The following ZNF827 variants were observed in gnomAD, a reference collection of about 807,000 sequenced individuals.
ZNF827 encodes the protein zinc finger protein 827.
A neutral mutation model predicts 102.4 loss-of-function variants in ZNF827; 13 were observed. The observed-to-expected ratio is 0.13, with a 90% CI of 0.08 to 0.20. ZNF827 has a LOEUF of 0.20. Ranked by LOEUF, ZNF827 falls within the 10% of genes least tolerant of loss-of-function variation. The pLI is 1.00. For synonymous variants in ZNF827, 523 were observed against 536.2 expected (o/e 0.98, Z 0.34); for missense variants, 1,103 against 1,344.4 (o/e 0.82, Z 2.81).
intron 10 of ZNF827, among the ~76,000 whole-genome samples, chr4:145,774,908 T>C (rs573063697): frequency 3.3e-5 from 5 of 152,362 alleles, no homozygotes; most frequent in Admixed American, 2.6e-4. Context: ...ATATGTGTTA[T>C]AATGATGCTA....
At chr4:145,785,630 G>A (rs1477793739) in intron 8 of ZNF827, among the ~76,000 whole-genome samples, 22 of 152,116 alleles carry the variant, frequency 1.4e-4, no homozygotes, top group Admixed American at 1.3e-3. Flanking sequence ...GAACCTGAAC[G>A]ATCATCTTGT....
intron 8 of ZNF827, chr4:145,819,842 G>C (rs945055714): frequency 1.3e-5 from 2 of 152,184 alleles, no homozygotes; most frequent in African/African-American, 4.8e-5. Context: ...GTTAGGTCTT[G>C]GCTAACATGA....
intron 3 of ZNF827, among the ~76,000 whole-genome samples, chr4:145,887,055 C>T (rs1464488334): frequency 6.6e-6 from 1 of 152,258 alleles, no homozygotes; most frequent in Non-Finnish European, 1.5e-5. Context: ...TGCCAATGCA[C>T]TTTAGTGCTG....
At chr4:145,916,030 G>A (rs142890953) in intron 1 of ZNF827, among the ~76,000 whole-genome samples, 2,071 of 152,296 alleles carry the variant, frequency 0.014, 46 homozygotes, top group African/African-American at 0.044. Flanking sequence ...TGTACACTGG[G>A]GTGGGGGTTG....
At chr4:145,934,818 G>A (rs962649687) in intron 1 of ZNF827, among the ~76,000 whole-genome samples, 4 of 152,166 alleles carry the variant, frequency 2.6e-5, no homozygotes, top group Non-Finnish European at 5.9e-5. Flanking sequence ...GAATCCTTAG[G>A]GGGGTGCAGA....
chr4:145,812,635 TTCCTG>T (rs1464961732), intron 8 of ZNF827, among the ~76,000 whole-genome samples: 1 of 152,058 alleles, frequency 6.6e-6, no homozygotes, highest in Non-Finnish European at 1.5e-5. Flanking sequence ...TCAAGAGATT[TTCCTG>T]TCTCAGCCTC....
At chr4:145,788,324 T>C (rs1167336362) in intron 8 of ZNF827, among the ~76,000 whole-genome samples, 1 of 152,192 alleles carries the variant, frequency 6.6e-6, no homozygotes, top group Non-Finnish European at 1.5e-5. Flanking sequence ...TGGCTAGTAC[T>C]AGGTGCCCCT....
At chr4:145,783,501 C>CA (rs879576561) in intron 8 of ZNF827, among the ~76,000 whole-genome samples, 2 of 152,198 alleles carry the variant, frequency 1.3e-5, no homozygotes, top group Non-Finnish European at 2.9e-5. Flanking sequence ...TACCTCTTCC[C>CA]AATAGCATCA....
chr4:145,816,453 C>G (rs1041067207), intron 8 of ZNF827, among the ~76,000 whole-genome samples: 4 of 152,158 alleles, frequency 2.6e-5, no homozygotes, highest in Admixed American at 1.3e-4. Context: ...GTGTGTGAAC[C>G]TATAAATGCT....
chr4:145,769,549 A>G (rs1041435915), intron 11 of ZNF827, among the ~76,000 whole-genome samples: 1 of 152,234 alleles, frequency 6.6e-6, no homozygotes, highest in African/African-American at 2.4e-5. Flanking sequence ...TAAAGATACA[A>G]TGTGCTGTGC....
intron 8 of ZNF827, among the ~76,000 whole-genome samples, chr4:145,808,540 C>A (rs541233976): frequency 3.9e-5 from 6 of 152,066 alleles, no homozygotes; most frequent in African/African-American, 9.7e-5. Flanking sequence ...TGGAAAGCCC[C>A]GATAGGAAAG....
rs558191982 is a variant in ZNF827 at position 145,761,152 on chromosome 4, G to A, written c.*464C>T. ...CCCCGGGCCGGCCGGTTCCTTGGGG[G>A]CTGGACACAGGCCCTTCTTGTCCTC... On this transcript the variant is annotated 3_prime_UTR_variant, in exon 15 of 15. Coordinates refer to ENST00000508784, the MANE Select transcript of ZNF827 (RefSeq NM_001306215.2). The surrounding 1 kb of genome is among the most constrained non-coding windows in gnomAD (Gnocchi z 6.8). 63 of 1,289,726 alleles carry A rather than the reference G, an allele frequency of 4.9e-5. No homozygotes were observed. The highest frequency in any genetic ancestry group is 6.1e-5 in the Non-Finnish European group (60 of 988,882). 79.9% of individuals were successfully genotyped at this position (1,289,726 alleles called of 1,614,324 possible).
At chr4:145,833,627 C>G (rs1411054392) in intron 7 of ZNF827, among the ~76,000 whole-genome samples, 1 of 150,960 alleles carries the variant, frequency 6.6e-6, no homozygotes, top group African/African-American at 2.4e-5. Flanking sequence ...ACCCCCAATC[C>G]CTTATTTCTG....
chr4:145,902,449 C>G lies in ZNF827; in HGVS notation c.810G>C (p.Glu270Asp), dbSNP rs1561059999. The G allele has an allele frequency of 1.2e-6, 2 of 1,614,194 alleles. No homozygotes were observed. The highest frequency in any genetic ancestry group is 2.7e-5 in the African/African-American group (2 of 75,042). ...GGAAGGAGCTGGCCGGTGGAGGGTG[C>G]TCCTGACCAGGAGTCAAACTTCTTT... Reference protein sequence around the residue: ...VSERSLTPGQEHPPPASSFLS... With the variant: ...VSERSLTPGQDHPPPASSFLS... The change falls in exon 2 of 15, where the codon GAG becomes GAC. Residue 270 changes from glutamate to aspartate, a missense_variant. Coordinates refer to ENST00000508784, the MANE Select transcript of ZNF827 (RefSeq NM_001306215.2). The surrounding 1 kb of genome is among the most constrained non-coding windows in gnomAD (Gnocchi z 4.3).
intron 9 of ZNF827, among the ~76,000 whole-genome samples, chr4:145,778,007 C>CT (rs1299262153): frequency 1.3e-5 from 2 of 152,078 alleles, no homozygotes; most frequent in African/African-American, 4.8e-5. Flanking sequence ...TAAAACTCCA[C>CT]TTTTTTGAAC....
chr4:145,865,326 G>A (rs553287570), intron 5 of ZNF827, among the ~76,000 whole-genome samples: 64 of 152,280 alleles, frequency 4.2e-4, no homozygotes, highest in African/African-American at 1.4e-3. Context: ...AAAGTAAAAT[G>A]TACATTTAAT....
At chr4:145,855,150 A>G (rs1746946236) in intron 5 of ZNF827, among the ~76,000 whole-genome samples, 2 of 152,224 alleles carry the variant, frequency 1.3e-5, no homozygotes, top group Admixed American at 6.5e-5. Flanking sequence ...AACACTGGAA[A>G]TGGCACTGAT....
chr4:145,784,874 T>C (rs887360557), intron 8 of ZNF827, among the ~76,000 whole-genome samples: 3 of 152,342 alleles, frequency 2.0e-5, no homozygotes, highest in Admixed American at 6.5e-5. Flanking sequence ...CAGAGTCTCA[T>C]AGGATTTTGT....
Position 145,878,602 on chromosome 4 carries a change from C to CAGGAAAGGAAAGGAAAGGAA in ZNF827, c.1747+7056_1747+7075dup, listed in dbSNP as rs869069442. 3.9e-4 allele frequency among the ~76,000 whole-genome samples: 25 copies of CAGGAAAGGAAAGGAAAGGAA among 63,532 alleles called. 1 individual carries two copies. The highest frequency in any genetic ancestry group is 6.6e-4 in the South Asian group (1 of 1,508). The allele number at this position is 63,532 out of a possible 152,430, so 41.7% of individuals were successfully genotyped here. A position where few individuals can be genotyped will look rare whatever the true frequency, so the allele number is the denominator to read the frequency against. On this transcript the variant is annotated intron_variant, in intron 4 of 14. Transcript: ENST00000508784. ...CAGGACAGGACAGGACAGGACAGGA[C>CAGGAAAGGAAAGGAAAGGAA]AGGAAAGGAAAGGAAAGGAAAGGAA...
Sources: gnomAD v4.1 joint callset for allele counts (sites outside exome capture counted in the v4.1 genomes callset) on GRCh38, gnomAD v4.1.1 for gene constraint, Gnocchi (gnomAD v3.1) non-coding constraint, MANE v1.5 for transcripts, NCBI Gene and HGNC (gene_info 2026-07-23, HGNC 2026-07-21) for gene names.